The following USP49 variants were observed in gnomAD, a reference collection of about 807,000 sequenced individuals.
The protein encoded by USP49 is ubiquitin specific peptidase 49.
A neutral mutation model predicts 58.6 loss-of-function variants in USP49; 24 were observed. The ratio of observed to expected loss-of-function variants is 0.41; its 90% CI spans 0.30 to 0.58. USP49 has a LOEUF of 0.58. Among genes scored for constraint, USP49 ranks in the 20% least tolerant of loss-of-function variants. USP49 has a pLI of 0.30. For synonymous variants in USP49, 408 were observed against 365.1 expected, an observed-to-expected ratio of 1.12 and a Z score of -1.34; for missense variants, 703 against 866.1, an observed-to-expected ratio of 0.81 and a Z score of 2.36.
chr6:41,835,470 T>G (rs762554187), intron 3 of USP49, among the ~76,000 whole-genome samples: 1 of 152,116 alleles, frequency 6.6e-6, no homozygotes, highest in Non-Finnish European at 1.5e-5. Flanking sequence ...TCCCAGCACT[T>G]TGGGAGGCCG....
chr6:41,828,115 G>A (rs1266467331), intron 3 of USP49, among the ~76,000 whole-genome samples: 1 of 151,944 alleles, frequency 6.6e-6, no homozygotes, highest in African/African-American at 2.4e-5. Flanking sequence ...CACCACTAAA[G>A]CTACCACTCA....
intron 3 of USP49, among the ~76,000 whole-genome samples, chr6:41,831,599 A>T (rs1582008914): frequency 6.8e-6 from 1 of 146,480 alleles, no homozygotes; most frequent in African/African-American, 2.6e-5. Context: ...AAAAAAAAAA[A>T]GTAGAGCTAC....
In USP49 at chr6:41,864,361, G is replaced by A. The variant is rs143272958; in HGVS notation, c.-29+7203C>T. Among the ~76,000 whole-genome samples the A allele has an allele frequency of 6.8e-3, 1,036 of 152,136 alleles. 12 individuals are homozygous for A. The highest frequency in any genetic ancestry group is 0.023 in the African/African-American group (969 of 41,498). ...GCGGATCACCTGAGGTCAGGAGTTC[G>A]AGACCGGCCTGGTCAACATGGTGAA... is the stretch of plus-strand genomic sequence containing the variant. On this transcript the variant is annotated intron_variant, in intron 3 of 7. Transcript: ENST00000682992.
intron 3 of USP49, among the ~76,000 whole-genome samples, chr6:41,812,234 C>G (rs1561906799): frequency 6.6e-6 from 1 of 151,842 alleles, no homozygotes; most frequent in Non-Finnish European, 1.5e-5. Flanking sequence ...CATGCGCCAC[C>G]ACGCCCGGCT....
chr6:41,851,973 A>AG (rs1187175476), intron 3 of USP49, among the ~76,000 whole-genome samples: 2 of 148,660 alleles, frequency 1.3e-5, no homozygotes, highest in African/African-American at 5.0e-5. Context: ...AAAAAAAAAA[A>AG]AAAGAAAGAA....
rs1014105276 is a variant in USP49 at position 41,853,536 on chromosome 6, G to GT, written c.-29+18027dup. Among the ~76,000 whole-genome samples, 18 of 152,248 alleles carry GT rather than the reference G, an allele frequency of 1.2e-4. 1 individual carries two copies. The highest frequency in any genetic ancestry group is 2.9e-4 in the African/African-American group (12 of 41,546). On this transcript the variant is annotated intron_variant, in intron 3 of 7. Coordinates refer to ENST00000682992, the MANE Select transcript of USP49 (RefSeq NM_001286554.2). Reference sequence around the variant, plus strand: ...AAGGGTTTAAGATGTTAAATTTTATGTTTTTTTACCACACACACAAAAAGA... The same window carrying GT: ...AAGGGTTTAAGATGTTAAATTTTATGTTTTTTTTACCACACACACAAAAAGA...
At position 41,822,035 on chromosome 6, in the gene USP49, G is replaced by A. The variant is rs1170076484; in HGVS notation, c.-28-15024C>T. Among the ~76,000 whole-genome samples the A allele has an allele frequency of 2.0e-5, 3 of 152,272 alleles. No individual in the cohort carries two copies. The East Asian group carries it at 5.8e-4, about 29-fold the overall frequency. ...AGTCATAGAAACAATGTGAAAAATA[G>A]CACTTGGTCTAGTTTAAAAAGCCTA... On this transcript the variant is annotated intron_variant, in intron 3 of 7. Transcript: ENST00000682992.
chr6:41,832,280 A>ATT (rs1561912165), intron 3 of USP49, among the ~76,000 whole-genome samples: 1 of 152,156 alleles, frequency 6.6e-6, no homozygotes, highest in Non-Finnish European at 1.5e-5. Flanking sequence ...AACAGAGACA[A>ATT]TTATCTTCTG....
At chr6:41,851,033 A>G (rs866675874) in intron 3 of USP49, among the ~76,000 whole-genome samples, 10 of 152,356 alleles carry the variant, frequency 6.6e-5, no homozygotes, top group Middle Eastern at 3.4e-3. Context: ...GCCCAGGACC[A>G]GATGGCTTCA....
chr6:41,889,214 G>A (rs1421348444), intron 2 of USP49, among the ~76,000 whole-genome samples: 1 of 151,906 alleles, frequency 6.6e-6, no homozygotes, highest in African/African-American at 2.4e-5. Flanking sequence ...TGTATTTTTA[G>A]TAGAGGTGGG....
At chr6:41,895,198 C>T (rs1042635109) in intron 1 of USP49, 126 bp downstream of exon 1, 9 of 152,242 alleles carry the variant, frequency 5.9e-5, no homozygotes, top group African/African-American at 2.2e-4. Flanking sequence ...TCCCCGCCTC[C>T]GAGTCTTAGA....
At chr6:41,799,741 C>T (rs756352882) in intron 6 of USP49, 89 bp downstream of exon 6, 1 of 1,170,884 alleles carries the variant, frequency 8.5e-7, no homozygotes, top group Non-Finnish European at 1.3e-6. Flanking sequence ...CCCCTCCCAA[C>T]ACCATAGAAG....
intron 3 of USP49, among the ~76,000 whole-genome samples, chr6:41,829,271 G>A (rs2127340177): frequency 6.6e-6 from 1 of 151,060 alleles, no homozygotes; most frequent in African/African-American, 2.4e-5. Flanking sequence ...CAGCAACTTT[G>A]CAGAACTATT....
At chr6:41,810,958 G>C (rs940745741) in intron 3 of USP49, among the ~76,000 whole-genome samples, 2 of 152,160 alleles carry the variant, frequency 1.3e-5, no homozygotes, top group African/African-American at 4.8e-5. Flanking sequence ...GGTCAACCCA[G>C]AGAAGTTCTA....
Position 41,806,398 on chromosome 6 carries a change from G to T in USP49, c.586C>A (p.Leu196Met), listed in dbSNP as rs1561904301. The T allele has an allele frequency of 6.4e-7, 1 of 1,558,072 alleles. No homozygotes were observed. The part of the protein sequence containing the change: ...RRRRREVKRR[L>M]LEELASTPPR... ...GGGGTGCTGGCCAGCTCCTCCAGCA[G>T]CCGCCGTTTCACCTCGCGCCGCCGC... is the stretch of plus-strand genomic sequence containing the variant. Residue 196 changes from leucine (L) to methionine (M), a missense_variant, in exon 4 of 8, where the codon CTG (leucine) becomes ATG (methionine). By Grantham distance (15) the Leu-to-Met change is conservative (BLOSUM62 2). Around this residue, in one of 6 missense-constraint regions of USP49, gnomAD observed 376 missense variants for 373.5 expected, o/e 1.01. Transcript: ENST00000682992. This position sits in a 1 kb window ranked among gnomAD's most constrained non-coding sequence, Gnocchi z 5.9.
At chr6:41,804,071 ACTTG>A (rs1384518517) in intron 4 of USP49, 61 bp from the exon 5 acceptor site, 15 of 1,500,722 alleles carry the variant, frequency 1.0e-5, no homozygotes, top group African/African-American at 2.8e-5. Flanking sequence ...GTACAGTTTT[ACTTG>A]CTTCATAAAA....
intron 3 of USP49, among the ~76,000 whole-genome samples, chr6:41,813,343 T>C (rs1773292028): frequency 1.3e-5 from 2 of 152,112 alleles, no homozygotes; most frequent in South Asian, 4.1e-4. Flanking sequence ...CAAGATCTTA[T>C]CATATGAAAT....
At chr6:41,891,997 G>A (rs1582043393) in intron 1 of USP49, 122 bp from the exon 2 acceptor site, 1 of 152,302 alleles carries the variant, frequency 6.6e-6, no homozygotes, top group Non-Finnish European at 1.5e-5. Context: ...GGGTAGAACT[G>A]TACTTGATGA....
At position 41,792,166 on chromosome 6, in the gene USP49, C is replaced by T. The variant is rs1772808462; in HGVS notation, c.*4367G>A. ...TCACTCAGCGCCATCTCAGTCAGCG[C>T]CTGCCAGGGAAAGGGCATGGAGAGC... On this transcript the variant is annotated 3_prime_UTR_variant, in exon 8 of 8. Coordinates refer to ENST00000682992, the MANE Select transcript of USP49 (RefSeq NM_001286554.2). 6.6e-6 allele frequency: 1 copy of T among 152,286 alleles called. No individual in the cohort carries two copies. The highest frequency in any genetic ancestry group is 2.1e-4 in the South Asian group (1 of 4,836). The allele number at this position is 152,286 out of a possible 1,614,324, so 9.4% of individuals were successfully genotyped here.
Sources: allele counts gnomAD v4.1 joint callset (sites outside exome capture counted in the v4.1 genomes callset), GRCh38; gene constraint gnomAD v4.1.1; regional missense constraint gnomAD v4.1.1; non-coding constraint Gnocchi (gnomAD v3.1); transcripts MANE v1.5; gene names NCBI Gene and HGNC (gene_info 2026-07-23, HGNC 2026-07-21).